The following ANO6 variants were observed in gnomAD, a reference collection of about 807,000 sequenced individuals.
ANO6 encodes the protein anoctamin 6.
In ANO6, 106 loss-of-function variants were observed where a neutral mutation model predicts 117.5. That is an observed-to-expected ratio of 0.90 (90% CI 0.77 to 1.06). The LOEUF (loss-of-function observed/expected upper bound fraction) is 1.06. Ranked by LOEUF, ANO6 falls within the 50% of genes least tolerant of loss-of-function variation. The probability of loss-of-function intolerance (pLI) is 0.00; values close to 1 mark genes in which losing one functional copy is unlikely to be tolerated. For missense variants in ANO6, 955 were observed against 1,121.1 expected, an observed-to-expected ratio of 0.85 and a Z score of 2.12; for synonymous variants, 367 against 385.1, an observed-to-expected ratio of 0.95 and a Z score of 0.55.
chr12:45,255,881 C>A (rs542586807), intron 1 of ANO6, among the ~76,000 whole-genome samples: 23 of 142,414 alleles, frequency 1.6e-4, no homozygotes, highest in Non-Finnish European at 1.8e-4. Flanking sequence ...AGCGCAGTGG[C>A]GGGATCTCGG....
intron 18 of ANO6, among the ~76,000 whole-genome samples, 195 bp from the exon 19 acceptor site, chr12:45,422,762 C>T (rs893339836): frequency 2.0e-4 from 30 of 152,140 alleles, no homozygotes; most frequent in Non-Finnish European, 3.2e-4. Context: ...TTAGTAGAGA[C>T]GGGGTTTTAC....
At chr12:45,363,926 ATGAAC>A (rs1366827050) in intron 8 of ANO6, among the ~76,000 whole-genome samples, 1 of 152,212 alleles carries the variant, frequency 6.6e-6, no homozygotes, top group African/African-American at 2.4e-5. Flanking sequence ...TTCTTTATAA[ATGAAC>A]TAGTCTCAGG....
At chr12:45,371,927 C>T (rs1294481449) in intron 9 of ANO6, among the ~76,000 whole-genome samples, 26 of 151,652 alleles carry the variant, frequency 1.7e-4, no homozygotes, top group African/African-American at 4.6e-4. Context: ...TACGGGAGGA[C>T]ATTCAAACCA....
At chr12:45,426,253 A>G (rs1220927234) in intron 19 of ANO6, among the ~76,000 whole-genome samples, 2 of 152,248 alleles carry the variant, frequency 1.3e-5, no homozygotes, top group Non-Finnish European at 2.9e-5. Context: ...CAGAAATTCC[A>G]CATATCTATA....
At chr12:45,354,523 GAC>G (rs747778980) in intron 7 of ANO6, among the ~76,000 whole-genome samples, 6 of 152,134 alleles carry the variant, frequency 3.9e-5, no homozygotes, top group Non-Finnish European at 8.8e-5. Flanking sequence ...GATCCCAGGT[GAC>G]ACAGTTCTGT....
At chr12:45,368,782 T>G (rs1021845662) in intron 9 of ANO6, among the ~76,000 whole-genome samples, 8 of 152,238 alleles carry the variant, frequency 5.3e-5, no homozygotes, top group African/African-American at 1.9e-4. Context: ...GTAAGTCAGA[T>G]TTTAACGGAA....
At chr12:45,227,210 G>A (rs1218409679) in intron 1 of ANO6, among the ~76,000 whole-genome samples, 2 of 151,978 alleles carry the variant, frequency 1.3e-5, no homozygotes, top group African/African-American at 2.4e-5. Flanking sequence ...GGCTGGTCTT[G>A]AGCTCCTGAC....
chr12:45,236,125 T>A (rs1947641382), intron 1 of ANO6, among the ~76,000 whole-genome samples: 4 of 152,240 alleles, frequency 2.6e-5, no homozygotes, highest in Admixed American at 2.6e-4. Flanking sequence ...AGAAGACATC[T>A]GGCTCAAATT....
intron 1 of ANO6, among the ~76,000 whole-genome samples, chr12:45,232,066 T>C (rs550644723): frequency 1.1e-4 from 17 of 152,240 alleles, no homozygotes; most frequent in South Asian, 2.1e-4. Context: ...GTCATGTGCA[T>C]AGAGATTTCA....
At chr12:45,303,730 G>A (rs1433665276) in intron 2 of ANO6, among the ~76,000 whole-genome samples, 6 of 152,152 alleles carry the variant, frequency 3.9e-5, no homozygotes, top group African/African-American at 1.4e-4. Flanking sequence ...AAGACAGCTA[G>A]TCTAAGCTAG....
intron 2 of ANO6, among the ~76,000 whole-genome samples, chr12:45,311,983 C>G (rs1165642175): frequency 6.6e-6 from 1 of 152,006 alleles, no homozygotes; most frequent in Non-Finnish European, 1.5e-5. Flanking sequence ...GATTAAAACC[C>G]TTTCTCCATA....
Position 45,302,128 on chromosome 12 carries a change from TTAAGC to T in ANO6, c.150+40_150+44del, listed in dbSNP as rs755826690. On this transcript the variant is annotated intron_variant, in intron 2 of 19. Coordinates refer to ENST00000320560, the MANE Select transcript of ANO6 (RefSeq NM_001025356.3). ...ATTCCTTTATCTTAAATTTGTATTC[TTAAGC>T]TAAGAGATTTTTCACAAAATGAGAA... The T allele has an allele frequency of 2.2e-5, 35 of 1,586,482 alleles. No individual in the cohort carries two copies. In the East Asian group the frequency reaches 6.7e-4, roughly 30 times the overall value.
intron 7 of ANO6, among the ~76,000 whole-genome samples, chr12:45,352,241 G>A (rs1941297959): frequency 6.6e-6 from 1 of 152,012 alleles, no homozygotes; most frequent in Admixed American, 6.6e-5. Context: ...GAGTATCATA[G>A]CAAGCCTGCA....
chr12:45,237,633 A>G (rs1947666616), intron 1 of ANO6, among the ~76,000 whole-genome samples: 2 of 152,164 alleles, frequency 1.3e-5, no homozygotes, highest in South Asian at 2.1e-4. Flanking sequence ...GTAGGCTTGT[A>G]GTATAGTTTG....
At chr12:45,331,201 A>G (rs1940650007) in intron 2 of ANO6, 94 bp from the exon 3 acceptor site, 4 of 1,155,656 alleles carry the variant, frequency 3.5e-6, no homozygotes, top group Non-Finnish European at 2.5e-6. Context: ...TTTCTCTTTC[A>G]CAATAAACCT....
Position 45,401,796 on chromosome 12 carries a change from T to G in ANO6, c.1388T>G (p.Ile463Ser). Residue 463 changes from isoleucine to serine, a missense_variant and splice_region_variant, in exon 13 of 20, where the codon ATC (isoleucine) becomes AGC (serine). Coordinates refer to ENST00000320560, the MANE Select transcript of ANO6 (RefSeq NM_001025356.3). ...CTACTGTGTTTGTTGTGCTTTCAGA[T>G]CCTATTGATCATCGCTTCAGTTATT... ...TLCASAVFFW[I>S]LLIIASVIGI... 6.2e-7 allele frequency: 1 copy of G among 1,613,128 alleles called. No individual in the cohort carries two copies. Among genetic ancestry groups the G allele is most frequent in the South Asian group, 1.1e-5 (1 of 91,040 alleles).
At chr12:45,217,387 C>T (rs890127955) in intron 1 of ANO6, among the ~76,000 whole-genome samples, 1 of 152,112 alleles carries the variant, frequency 6.6e-6, no homozygotes, top group African/African-American at 2.4e-5. Flanking sequence ...TATCTAATAA[C>T]TTTAAAAGTA....
intron 15 of ANO6, among the ~76,000 whole-genome samples, chr12:45,407,154 A>G (rs1158154915): frequency 6.6e-6 from 1 of 152,190 alleles, no homozygotes; most frequent in Non-Finnish European, 1.5e-5. Flanking sequence ...CAGGAAAACC[A>G]AACAAGAGGC....
At position 45,401,857 on chromosome 12, in the gene ANO6, A is replaced by G. The variant is rs1227699691; in HGVS notation, c.1449A>G (p.Val483=). 1.2e-6 allele frequency: 2 copies of G among 1,613,892 alleles called. No homozygotes were observed. The highest frequency in any genetic ancestry group is 2.7e-5 in the African/African-American group (2 of 74,966). ...TCTATAGGCTCTCGGTGTTCATTGT[A>G]TTTTCTGCAAAACTTCCCAAGAACA... ...IIVYRLSVFI[V]FSAKLPKNIN... The change falls in exon 13 of 20, where the codon GTA becomes GTG. Residue 483 remains valine (V), a synonymous_variant. Transcript: ENST00000320560.
Sources: gnomAD v4.1 joint callset for allele counts (sites outside exome capture counted in the v4.1 genomes callset) on GRCh38, gnomAD v4.1.1 for gene constraint, MANE v1.5 for transcripts, NCBI Gene and HGNC (gene_info 2026-07-23, HGNC 2026-07-21) for gene names.